RORA: variants seen among roughly 807,000 people sequenced by gnomAD.
RORA encodes the protein nuclear receptor ROR-alpha.
RORA carries 7 observed loss-of-function variants against 69.5 expected under a neutral mutation model. The observed-to-expected ratio is 0.10, with a 90% CI of 0.06 to 0.19. The LOEUF is 0.19. Among genes scored for constraint, RORA ranks in the 10% least tolerant of loss-of-function variants. The pLI, the probability that RORA is intolerant of heterozygous loss-of-function variation, is 1.00. For missense variants in RORA, 457 were observed against 663.0 expected (o/e 0.69, Z 3.41); for synonymous variants, 261 against 240.8 (o/e 1.08, Z -0.78).
At chr15:60,615,301 G>C (rs572435213) in intron 2 of RORA, among the ~76,000 whole-genome samples, 17 of 152,278 alleles carry the variant, frequency 1.1e-4, no homozygotes, top group African/African-American at 4.1e-4. Context: ...CCTTGAGATC[G>C]AGTGCTTCTA....
At chr15:60,586,354 A>T (rs1397065384) in intron 2 of RORA, among the ~76,000 whole-genome samples, 1 of 152,152 alleles carries the variant, frequency 6.6e-6, no homozygotes, top group Non-Finnish European at 1.5e-5. Flanking sequence ...AGGCAAACTG[A>T]AGTGTGTTTG....
chr15:61,048,118 C>T (rs1897122162), intron 1 of RORA, among the ~76,000 whole-genome samples: 1 of 152,224 alleles, frequency 6.6e-6, no homozygotes, highest in Non-Finnish European at 1.5e-5. Context: ...TTTCTGTGTA[C>T]TTTAAGTCAC....
intron 2 of RORA, among the ~76,000 whole-genome samples, chr15:60,666,480 C>T (rs540497322): frequency 1.3e-5 from 2 of 151,544 alleles, no homozygotes; most frequent in Admixed American, 6.6e-5. Context: ...CCACCACACC[C>T]GGCCAAAAAA....
chr15:60,614,880 C>T (rs1253863719), intron 2 of RORA: 2 of 1,607,552 alleles, frequency 1.2e-6, no homozygotes, highest in African/African-American at 1.3e-5. Flanking sequence ...ATAGTAAGCT[C>T]TCAAATAACG....
rs2068683873 is a variant in RORA at position 60,597,123 on chromosome 15, C to G, written c.197-65272G>C. On this transcript the variant is annotated intron_variant, in intron 2 of 10. Coordinates refer to ENST00000335670, the MANE Select transcript of RORA (RefSeq NM_134261.3). Reference sequence around the variant, plus strand: ...GAAAAGATGTTTGCGCAGCACTGTGCCACTCACTAACAGTTGATAGATGAC... The same window carrying G: ...GAAAAGATGTTTGCGCAGCACTGTGGCACTCACTAACAGTTGATAGATGAC... Among the ~76,000 whole-genome samples, 2 of 152,062 alleles carry G rather than the reference C, an allele frequency of 1.3e-5. 1 individual carries two copies. The highest frequency in any genetic ancestry group is 4.1e-4 in the South Asian group (2 of 4,832).
intron 8 of RORA, 62 bp from the exon 9 acceptor site, chr15:60,501,131 G>A (rs2065318797): frequency 3.5e-6 from 3 of 863,948 alleles, no homozygotes; most frequent in Non-Finnish European, 3.7e-6. Context: ...GAAAAACCTA[G>A]GTCTTAGGTT....
chr15:60,538,784 T>C (rs757909478), intron 2 of RORA, among the ~76,000 whole-genome samples: 1 of 152,056 alleles, frequency 6.6e-6, no homozygotes, highest in Non-Finnish European at 1.5e-5. Flanking sequence ...AATAAACATA[T>C]ATGTCACCCT....
At position 60,998,572 on chromosome 15, in the gene RORA, G is replaced by A. The variant is rs534506921; in HGVS notation, c.166+230481C>T. 3.9e-5 allele frequency among the ~76,000 whole-genome samples: 6 copies of A among 152,068 alleles called. No homozygotes were observed. In the East Asian group the frequency reaches 1.2e-3, roughly 29 times the overall value. ...GCCACCACGCCCAGATAATTTTTTT[G>A]TATTTTAGCAGAGACAGGGTTTCAC... On this transcript the variant is annotated intron_variant, in intron 1 of 10. Coordinates refer to ENST00000335670, the MANE Select transcript of RORA (RefSeq NM_134261.3).
intron 2 of RORA, among the ~76,000 whole-genome samples, chr15:60,617,588 T>C (rs1434569421): frequency 2.7e-5 from 4 of 150,756 alleles, no homozygotes; most frequent in Admixed American, 2.6e-4. Context: ...TGATGAGCTA[T>C]ATTAATCAGG....
At chr15:60,579,316 A>C (rs1488149811) in intron 2 of RORA, among the ~76,000 whole-genome samples, 2 of 152,156 alleles carry the variant, frequency 1.3e-5, no homozygotes, top group African/African-American at 4.8e-5. Context: ...GGGTCCCTGG[A>C]TCACACATTG....
At chr15:60,617,850 C>T (rs2069296176) in intron 2 of RORA, among the ~76,000 whole-genome samples, 1 of 152,148 alleles carries the variant, frequency 6.6e-6, no homozygotes, top group African/African-American at 2.4e-5. Flanking sequence ...CAAGTTTGGG[C>T]AGGACTGTTC....
intron 1 of RORA, among the ~76,000 whole-genome samples, chr15:60,787,351 G>C (rs1436605169): frequency 6.6e-6 from 1 of 152,238 alleles, no homozygotes; most frequent in African/African-American, 2.4e-5. Context: ...CGCCTCGAAT[G>C]CTAGCAGCAA....
intron 1 of RORA, among the ~76,000 whole-genome samples, chr15:60,929,215 C>A (rs1009364642): frequency 6.6e-6 from 1 of 152,106 alleles, no homozygotes; most frequent in Non-Finnish European, 1.5e-5. Flanking sequence ...GTGAGGCAAG[C>A]GCTCATTCAC....
chr15:61,227,671 C>G (rs1596087182), intron 1 of RORA, among the ~76,000 whole-genome samples: 1 of 152,166 alleles, frequency 6.6e-6, no homozygotes, highest in Non-Finnish European at 1.5e-5. Context: ...TTCCTGGGGC[C>G]CCCATTCGCC....
Position 60,871,725 on chromosome 15 carries a change from C to A in RORA, c.167-193039G>T, listed in dbSNP as rs537348625. The stretch of plus-strand genomic sequence containing the variant: ...GCCTCTTATGTGAAGCAGTCAGCTT[C>A]CATATACCACAACCATGCATAATTA... On this transcript the variant is annotated intron_variant, in intron 1 of 10. Coordinates refer to ENST00000335670, the MANE Select transcript of RORA (RefSeq NM_134261.3). 5.0e-4 allele frequency among the ~76,000 whole-genome samples: 76 copies of A among 152,336 alleles called. 1 individual carries two copies. Among genetic ancestry groups the A allele is most frequent in the Non-Finnish European group, 2.2e-4 (15 of 68,034 alleles).
At chr15:61,098,459 G>A (rs1358573758) in intron 1 of RORA, among the ~76,000 whole-genome samples, 2 of 151,960 alleles carry the variant, frequency 1.3e-5, no homozygotes, top group Non-Finnish European at 2.9e-5. Flanking sequence ...TCCCACTCCT[G>A]CCTCCTGAGT....
intron 1 of RORA, among the ~76,000 whole-genome samples, chr15:61,027,233 C>T (rs915699465): frequency 6.6e-5 from 10 of 152,264 alleles, no homozygotes; most frequent in African/African-American, 1.4e-4. Context: ...ATTTAAGGTG[C>T]GAATGCAAGT....
intron 1 of RORA, among the ~76,000 whole-genome samples, chr15:60,769,992 G>A (rs899145842): frequency 6.6e-6 from 1 of 152,176 alleles, no homozygotes; most frequent in African/African-American, 2.4e-5. Context: ...CCTAGCATGT[G>A]CTATAACCTG....
intron 1 of RORA, among the ~76,000 whole-genome samples, chr15:60,913,823 C>A (rs1040997234): frequency 6.6e-6 from 1 of 152,156 alleles, no homozygotes; most frequent in Non-Finnish European, 1.5e-5. Context: ...AATATTTATG[C>A]CCTTATATGC....
Sources: allele counts gnomAD v4.1 joint callset (sites outside exome capture counted in the v4.1 genomes callset), GRCh38; gene constraint gnomAD v4.1.1; transcripts MANE v1.5; gene names NCBI Gene and HGNC (gene_info 2026-07-23, HGNC 2026-07-21).